Variants in ASTN2 observed in about 807,000 individuals in gnomAD.
The protein encoded by ASTN2 is astrotactin 2, also known as astrotactin-2.
ASTN2 carries 54 observed loss-of-function variants against 139.8 expected under a neutral mutation model. The ratio of observed to expected loss-of-function variants is 0.39; its 90% CI spans 0.31 to 0.48. The LOEUF is 0.48. Ranked by LOEUF, ASTN2 falls within the 20% of genes least tolerant of loss-of-function variation. ASTN2 has a pLI of 0.95. For synonymous variants in ASTN2, 756 were observed against 719.5 expected, an observed-to-expected ratio of 1.05 and a Z score of -0.81; for missense variants, 1,565 against 1,725.1, an observed-to-expected ratio of 0.91 and a Z score of 1.64.
At chr9:116,756,127 T>G (rs1487444678) in intron 13 of ASTN2, among the ~76,000 whole-genome samples, 1 of 152,216 alleles carries the variant, frequency 6.6e-6, no homozygotes, top group African/African-American at 2.4e-5. Flanking sequence ...GGGGCTTAGT[T>G]TGATTTCCAG....
At chr9:117,116,517 A>C (rs1354166674) in intron 4 of ASTN2, among the ~76,000 whole-genome samples, 1 of 152,112 alleles carries the variant, frequency 6.6e-6, no homozygotes, top group Non-Finnish European at 1.5e-5. Context: ...TAACTTGAAT[A>C]ATCTTTGCCA....
intron 4 of ASTN2, among the ~76,000 whole-genome samples, chr9:117,098,561 A>G (rs1375426153): frequency 2.0e-5 from 3 of 152,146 alleles, no homozygotes; most frequent in Non-Finnish European, 4.4e-5. Context: ...CCGGAGCCTT[A>G]GTGCACACTT....
intron 1 of ASTN2, among the ~76,000 whole-genome samples, chr9:117,323,705 C>T (rs527869202): frequency 1.4e-3 from 220 of 152,082 alleles, no homozygotes; most frequent in Middle Eastern, 6.8e-3. Flanking sequence ...CCAGGATTCA[C>T]CCTCCTTCTA....
intron 10 of ASTN2, among the ~76,000 whole-genome samples, chr9:116,945,657 T>C (rs1033386250): frequency 9.9e-5 from 15 of 151,704 alleles, no homozygotes; most frequent in Admixed American, 9.2e-4. Context: ...ACTTTCCTTC[T>C]ATTAAACACA....
rs1161047561 is a variant in ASTN2, at chr9:116,565,383, CTCTCCA to C, written c.3355+52935_3355+52940del. Reference sequence around the variant, plus strand: ...TCTCTCTCTCTCTCTCTCTCTCTCTCTCTCCATATATATATATATATATATATATAT... The same window carrying C: ...TCTCTCTCTCTCTCTCTCTCTCTCTCTATATATATATATATATATATATAT... On this transcript the variant is annotated intron_variant, in intron 19 of 22. Coordinates refer to ENST00000313400, the MANE Select transcript of ASTN2 (RefSeq NM_001365068.1). Among the ~76,000 whole-genome samples the C allele has an allele frequency of 8.0e-3, 286 of 35,964 alleles. 5 individuals are homozygous for C. The highest frequency in any genetic ancestry group is 0.01 in the Non-Finnish European group (228 of 21,942). The allele number at this position is 35,964 out of a possible 152,430, so 23.6% of individuals were successfully genotyped here.
chr9:117,142,298 C>T (rs927798623), intron 3 of ASTN2, among the ~76,000 whole-genome samples: 1 of 152,122 alleles, frequency 6.6e-6, no homozygotes, highest in Non-Finnish European at 1.5e-5. Flanking sequence ...ATGGAGAATG[C>T]AAACTGAAGG....
chr9:116,999,548 C>CTTTTTTTTTTTTTTT (rs71379248), intron 7 of ASTN2, among the ~76,000 whole-genome samples: 2 of 94,920 alleles, frequency 2.1e-5, no homozygotes, highest in African/African-American at 4.9e-5. Context: ...TTCTCTCTTT[C>CTTTTTTTTTTTTTTT]TTTTTTTTTT....
intron 10 of ASTN2, among the ~76,000 whole-genome samples, chr9:116,949,298 A>G (rs1213616023): frequency 6.6e-6 from 1 of 152,186 alleles, no homozygotes; most frequent in Non-Finnish European, 1.5e-5. Context: ...TGTCAGTCCC[A>G]GTGCTAGAAT....
At position 117,040,553 on chromosome 9, in the gene ASTN2, G is replaced by GGTT. The variant is rs1838533360; in HGVS notation, c.1277-591_1277-589dup. ...GGCTCACTGTAACCTCCGCCACACG[G>GGTT]GTTCAAGTGATTCTCCCACTTCAGC... On this transcript the variant is annotated intron_variant, in intron 5 of 22. Coordinates refer to ENST00000313400, the MANE Select transcript of ASTN2 (RefSeq NM_001365068.1). 5.3e-5 allele frequency among the ~76,000 whole-genome samples: 8 copies of GGTT among 152,304 alleles called. No homozygotes were observed. In the South Asian group the frequency reaches 1.7e-3, roughly 32 times the overall value.
chr9:116,795,958 G>C (rs1226991526), intron 13 of ASTN2, among the ~76,000 whole-genome samples: 1 of 152,156 alleles, frequency 6.6e-6, no homozygotes, highest in Non-Finnish European at 1.5e-5. Flanking sequence ...CACGGGATTT[G>C]GACCCTGTTA....
At chr9:116,467,665 T>C (rs967730968) in intron 20 of ASTN2, among the ~76,000 whole-genome samples, 7 of 152,234 alleles carry the variant, frequency 4.6e-5, no homozygotes, top group Admixed American at 3.9e-4. Flanking sequence ...TACATTCTAT[T>C]TTCCTTAACA....
At chr9:116,977,309 T>G (rs1284959618) in intron 7 of ASTN2, among the ~76,000 whole-genome samples, 1 of 152,168 alleles carries the variant, frequency 6.6e-6, no homozygotes, top group African/African-American at 2.4e-5. Flanking sequence ...CTGGTTTTAT[T>G]TTGTGTTGCT....
At chr9:117,380,101 A>G (rs888359996) in intron 1 of ASTN2, among the ~76,000 whole-genome samples, 86 of 152,148 alleles carry the variant, frequency 5.7e-4, no homozygotes, top group Admixed American at 1.8e-3. Flanking sequence ...TCTGAAAAAG[A>G]TGAAGGGATC....
intron 1 of ASTN2, among the ~76,000 whole-genome samples, chr9:117,318,198 G>A (rs1036170168): frequency 1.3e-5 from 2 of 152,040 alleles, no homozygotes. Context: ...CATGAATTTG[G>A]GTGCCTTTAG....
At chr9:117,219,598 GA>G (rs1342221861) in intron 2 of ASTN2, among the ~76,000 whole-genome samples, 1 of 152,174 alleles carries the variant, frequency 6.6e-6, no homozygotes, top group Non-Finnish European at 1.5e-5. Flanking sequence ...GCAAGTTCTA[GA>G]AATAATAACA....
chr9:116,885,657 C>T (rs1417187221), intron 10 of ASTN2, among the ~76,000 whole-genome samples: 2 of 152,142 alleles, frequency 1.3e-5, no homozygotes, highest in African/African-American at 4.8e-5. Context: ...CAGAGCAAAA[C>T]TCCATCTCAA....
intron 11 of ASTN2, among the ~76,000 whole-genome samples, chr9:116,830,255 A>G (rs905966325): frequency 2.0e-5 from 3 of 152,234 alleles, no homozygotes; most frequent in African/African-American, 7.2e-5. Context: ...TATTCAGCAG[A>G]GAGATGCAAA....
intron 2 of ASTN2, among the ~76,000 whole-genome samples, chr9:117,227,407 C>T (rs1267182768): frequency 6.6e-6 from 1 of 152,126 alleles, no homozygotes; most frequent in Non-Finnish European, 1.5e-5. Flanking sequence ...AAGAACAGCA[C>T]TTAGTGTTTT....
At chr9:117,306,672 T>C (rs1024965274) in intron 1 of ASTN2, among the ~76,000 whole-genome samples, 1 of 152,144 alleles carries the variant, frequency 6.6e-6, no homozygotes, top group Admixed American at 6.5e-5. Context: ...AACTACACCT[T>C]CCAGTCTACA....
Sources: gnomAD v4.1 joint callset for allele counts (sites outside exome capture counted in the v4.1 genomes callset) on GRCh38, gnomAD v4.1.1 for gene constraint, MANE v1.5 for transcripts, NCBI Gene and HGNC (gene_info 2026-07-23, HGNC 2026-07-21) for gene names.